Variants in NEU1 observed in about 807,000 individuals in gnomAD.
NEU1 encodes sialidase-1.
Under a neutral mutation model 38.3 loss-of-function variants are expected in NEU1, and 32 were observed. The observed-to-expected ratio is 0.84, with a 90% CI of 0.63 to 1.12. The LOEUF (loss-of-function observed/expected upper bound fraction) is 1.12, where lower values mean the gene tolerates loss of function less well. Ranked by LOEUF, NEU1 falls within the 50% of genes most tolerant of loss-of-function variation. The pLI is 0.00. For missense variants in NEU1, 431 were observed against 549.2 expected (o/e 0.78, Z 2.15); for synonymous variants, 192 against 225.2 (o/e 0.85, Z 1.32).
Position 31,862,340 on chromosome 6 carries a change from T to C in NEU1, c.160-149A>G, listed in dbSNP as rs931226013. On this transcript the variant is annotated intron_variant, in intron 1 of 5. Transcript: ENST00000375631. This position sits in a 1 kb window ranked among gnomAD's most constrained non-coding sequence, Gnocchi z 6.3. ...AGAAAGAGGAACACGAAGGGGAGTT[T>C]GGAGCGAAGCTGGAGGCTCGGAGCA... is the stretch of plus-strand genomic sequence containing the variant. 9.8e-7 allele frequency: 1 copy of C among 1,020,530 alleles called. No individual in the cohort carries two copies. The highest frequency in any genetic ancestry group is 1.6e-5 in the African/African-American group (1 of 62,740). The allele number at this position is 1,020,530 out of a possible 1,614,324, so 63.2% of individuals were successfully genotyped here.
In NEU1 at chr6:31,859,375, C is replaced by T; in HGVS notation, c.*344G>A. On this transcript the variant is annotated 3_prime_UTR_variant, in exon 6 of 6. Transcript: ENST00000375631. The stretch of plus-strand genomic sequence containing the variant: ...CACCAAAGAGGAGGCTCAGCCTTCC[C>T]CAGTTCCCTGAGTTCACATTGATTC... 2.2e-6 allele frequency: 1 copy of T among 462,378 alleles called. No individual in the cohort carries two copies. Among genetic ancestry groups the T allele is most frequent in the Non-Finnish European group, 4.0e-6 (1 of 250,100 alleles). The allele number at this position is 462,378 out of a possible 1,614,324, so 28.6% of individuals were successfully genotyped here. A position where few individuals can be genotyped will look rare whatever the true frequency, so the allele number is the denominator to read the frequency against.
chr6:31,858,294 G>C lies in NEU1; in HGVS notation c.*1425C>G, dbSNP rs1762373390. 6.6e-6 allele frequency: 1 copy of C among 151,944 alleles called. No individual in the cohort carries two copies. Among genetic ancestry groups the C allele is most frequent in the African/African-American group, 2.4e-5 (1 of 41,360 alleles). 9.4% of individuals were successfully genotyped at this position (151,944 alleles called of 1,614,324 possible). On this transcript the variant is annotated 3_prime_UTR_variant, in exon 6 of 6. Transcript: ENST00000375631. ...GAGACCAACCTAGGCAATATAGTGA[G>C]ACTTTGTCTCTACTAAAAATTAAAA... is the stretch of plus-strand genomic sequence containing the variant.
chr6:31,862,127 T>G lies in NEU1; in HGVS notation c.224A>C (p.Asp75Ala). 6.2e-7 allele frequency: 1 copy of G among 1,613,044 alleles called. No homozygotes were observed. Among genetic ancestry groups the G allele is most frequent in the Non-Finnish European group, 8.5e-7 (1 of 1,180,024 alleles). Residue 75 changes from aspartate (D) to alanine (A), a missense_variant, in exon 2 of 6, where the codon GAC (aspartate) becomes GCC (alanine). Transcript: ENST00000375631. This position sits in a 1 kb window ranked among gnomAD's most constrained non-coding sequence, Gnocchi z 6.3. ...TGTGATGAGCGGGATGCGGAAGGTG[T>G]CCACTGAGCCGATCTGTCTCCCGCT... ...WVSGRQIGSVDTFRIPLITAT... is the reference protein window; with the variant it reads ...WVSGRQIGSVATFRIPLITAT...
In NEU1 at chr6:31,859,898, G is replaced by A. The variant is rs772426069; in HGVS notation, c.1069C>T (p.Arg357Trp). 68 of 1,612,920 alleles carry A rather than the reference G, an allele frequency of 4.2e-5. 1 individual carries two copies. In the African/African-American group the frequency reaches 6.0e-4, roughly 14 times the overall value. ...GGCCATAGCTGGACTGTCTCTTTCC[G>A]CCATGAGGTACCATTGCTGAAGCTC... ...RWSFSNGTSW[R>W]KETVQLWPGP... The change falls in exon 6 of 6, where the codon CGG becomes TGG. Residue 357 changes from arginine (R) to tryptophan (W), a missense_variant. Coordinates refer to ENST00000375631, the MANE Select transcript of NEU1 (RefSeq NM_000434.4).
rs1762384598 is a variant in NEU1 at position 31,858,595 on chromosome 6, G to A, written c.*1124C>T. 6.7e-6 allele frequency: 1 copy of A among 148,912 alleles called. No individual in the cohort carries two copies. The highest frequency in any genetic ancestry group is 1.5e-5 in the Non-Finnish European group (1 of 67,496). The allele number at this position is 148,912 out of a possible 1,614,324, so 9.2% of individuals were successfully genotyped here. On this transcript the variant is annotated 3_prime_UTR_variant, in exon 6 of 6. Coordinates refer to ENST00000375631, the MANE Select transcript of NEU1 (RefSeq NM_000434.4). ...ACTGCACTCTAGCCTGGGTGCCAGA[G>A]CAAGACTCCATCTCAAAAAAAAAAA...
In NEU1 at chr6:31,860,015, T is replaced by C; in HGVS notation, c.1021+27A>G. Reference sequence around the variant, plus strand: ...CCTTGTCTAGACACAGGGCTCTCCCTGCTGACCCCACCCATGAGGCACTCA... The same window carrying C: ...CCTTGTCTAGACACAGGGCTCTCCCCGCTGACCCCACCCATGAGGCACTCA... On this transcript the variant is annotated intron_variant, in intron 5 of 5. Transcript: ENST00000375631. The surrounding 1 kb of genome is among the most constrained non-coding windows in gnomAD (Gnocchi z 4.8). 1 of 1,612,834 alleles carries C rather than the reference T, an allele frequency of 6.2e-7. No individual in the cohort carries two copies. Among genetic ancestry groups the C allele is most frequent in the African/African-American group, 1.3e-5 (1 of 75,044 alleles).
chr6:31,861,056 C>T, intron 3 of NEU1, 132 bp downstream of exon 3: 1 of 1,311,252 alleles, frequency 7.6e-7, no homozygotes, highest in Non-Finnish European at 1.1e-6. Context: ...GATGCCCTGT[C>T]TTTCAAGGAA....
Position 31,862,176 on chromosome 6 carries a change from T to C in NEU1, c.175A>G (p.Thr59Ala). Residue 59 changes from threonine to alanine, a missense_variant, in exon 2 of 6, where the codon ACC (threonine) becomes GCC (alanine). Coordinates refer to ENST00000375631, the MANE Select transcript of NEU1 (RefSeq NM_000434.4). The surrounding 1 kb of genome is among the most constrained non-coding windows in gnomAD (Gnocchi z 6.3). ...CTCACCCACAGCAGTTGCTCCATGG[T>C]CACCAGCGGCTGCACCTGTCATGGG... Reference protein sequence around the residue: ...NDFGLVQPLVTMEQLLWVSGR... With the variant: ...NDFGLVQPLVAMEQLLWVSGR... The C allele has an allele frequency of 6.2e-7, 1 of 1,612,832 alleles. No individual in the cohort carries two copies. Among genetic ancestry groups the C allele is most frequent in the Non-Finnish European group, 8.5e-7 (1 of 1,179,966 alleles).
rs750975716 is a variant in NEU1, at chr6:31,859,933, G to A, written c.1034C>T (p.Thr345Ile). 34 of 1,612,902 alleles carry A rather than the reference G, an allele frequency of 2.1e-5. No individual in the cohort carries two copies. Among genetic ancestry groups the A allele is most frequent in the Non-Finnish European group, 2.8e-5 (33 of 1,180,038 alleles). The change falls in exon 6 of 6, where the codon ACC becomes ATC. Residue 345 changes from threonine (T) to isoleucine (I), a missense_variant. Coordinates refer to ENST00000375631, the MANE Select transcript of NEU1 (RefSeq NM_000434.4). ...PAHPEFRVNL[T>I]LRWSFSNGTS... Reference sequence around the variant, plus strand: ...ACCATTGCTGAAGCTCCATCGCAGGGTCAGGTTCACTCCTGGGGAGAGCAG... The same window carrying A: ...ACCATTGCTGAAGCTCCATCGCAGGATCAGGTTCACTCCTGGGGAGAGCAG...
chr6:31,861,832 A>G (rs1476415122), intron 2 of NEU1, 167 bp downstream of exon 2: 6 of 787,588 alleles, frequency 7.6e-6, no homozygotes, highest in Non-Finnish European at 1.1e-5. Context: ...GGTGATCCCA[A>G]TTTCCAGATC....
Position 31,859,703 on chromosome 6 carries a change from G to A in NEU1, c.*16C>T. 2 of 1,611,416 alleles carry A rather than the reference G, an allele frequency of 1.2e-6. No homozygotes were observed. Among genetic ancestry groups the A allele is most frequent in the Non-Finnish European group, 1.7e-6 (2 of 1,179,112 alleles). ...AGAGTCCTGAAGGCAGAATACCCCT[G>A]TGGCAGTGGCACAGCTCAGAGTGTC... On this transcript the variant is annotated 3_prime_UTR_variant, in exon 6 of 6. Coordinates refer to ENST00000375631, the MANE Select transcript of NEU1 (RefSeq NM_000434.4).
rs1332072406 is a variant in NEU1, at chr6:31,859,369, C to G, written c.*350G>C. ...CCGCAACACCAAAGAGGAGGCTCAGCCTTCCCCAGTTCCCTGAGTTCACAT... is the reference window on the plus strand; with the variant it reads ...CCGCAACACCAAAGAGGAGGCTCAGGCTTCCCCAGTTCCCTGAGTTCACAT... On this transcript the variant is annotated 3_prime_UTR_variant, in exon 6 of 6. Coordinates refer to ENST00000375631, the MANE Select transcript of NEU1 (RefSeq NM_000434.4). 1 of 452,526 alleles carries G rather than the reference C, an allele frequency of 2.2e-6. No individual in the cohort carries two copies. Among genetic ancestry groups the G allele is most frequent in the African/African-American group, 2.0e-5 (1 of 50,654 alleles). The allele number at this position is 452,526 out of a possible 1,614,324, so 28.0% of individuals were successfully genotyped here. A position where few individuals can be genotyped will look rare whatever the true frequency, so the allele number is the denominator to read the frequency against.
Position 31,860,741 on chromosome 6 carries a change from C to T in NEU1, c.616-120G>A. On this transcript the variant is annotated intron_variant, in intron 3 of 5. Coordinates refer to ENST00000375631, the MANE Select transcript of NEU1 (RefSeq NM_000434.4). This position sits in a 1 kb window ranked among gnomAD's most constrained non-coding sequence, Gnocchi z 4.8. ...ATGGTCCCCTTGAGTTCAGCCCTTG[C>T]TCACTGAGGGTTCCAGTCAGATCCC... 1 of 1,108,916 alleles carries T rather than the reference C, an allele frequency of 9.0e-7. No individual in the cohort carries two copies. Among genetic ancestry groups the T allele is most frequent in the Non-Finnish European group, 1.4e-6 (1 of 737,502 alleles). The allele number at this position is 1,108,916 out of a possible 1,614,324, so 68.7% of individuals were successfully genotyped here. A position where few individuals can be genotyped will look rare whatever the true frequency, so the allele number is the denominator to read the frequency against.
chr6:31,860,593 A>C lies in NEU1; in HGVS notation c.644T>G (p.Leu215Arg). The part of the protein sequence containing the change: ...QKQREPRKGR[L>R]IVCGHGTLER... ...CAGCGTCCCATGGCCACACACGATG[A>C]GGCGGCCCTTCCGTGGCTCCCGCTG... The change falls in exon 4 of 6, where the codon CTC becomes CGC. Residue 215 changes from leucine to arginine, a missense_variant. Leu to Arg is a moderately radical substitution (Grantham distance 102, BLOSUM62 -2). Coordinates refer to ENST00000375631, the MANE Select transcript of NEU1 (RefSeq NM_000434.4). The surrounding 1 kb of genome is among the most constrained non-coding windows in gnomAD (Gnocchi z 4.8). The C allele has an allele frequency of 6.2e-7, 1 of 1,613,984 alleles. No homozygotes were observed. The highest frequency in any genetic ancestry group is 8.5e-7 in the Non-Finnish European group (1 of 1,180,026).
Position 31,862,094 on chromosome 6 carries a change from G to C in NEU1, c.257C>G (p.Pro86Arg). 6.2e-7 allele frequency: 1 copy of C among 1,613,108 alleles called. No individual in the cohort carries two copies. Among genetic ancestry groups the C allele is most frequent in the Non-Finnish European group, 8.5e-7 (1 of 1,180,040 alleles). Residue 86 changes from proline (P) to arginine (R), a missense_variant, in exon 2 of 6, where the codon CCG (proline) becomes CGG (arginine). By Grantham distance (103) the Pro-to-Arg change is moderately radical. Coordinates refer to ENST00000375631, the MANE Select transcript of NEU1 (RefSeq NM_000434.4). This position sits in a 1 kb window ranked among gnomAD's most constrained non-coding sequence, Gnocchi z 6.3. Reference protein sequence around the residue: ...TFRIPLITATPRGTLLAFAEA... With the variant: ...TFRIPLITATRRGTLLAFAEA... ...AGCAAAGGCGAGAAGAGTGCCCCGC[G>C]GAGTGGCTGTGATGAGCGGGATGCG...
chr6:31,861,496 T>G, intron 2 of NEU1, 46 bp from the exon 3 acceptor site: 1 of 1,611,616 alleles, frequency 6.2e-7, no homozygotes, highest in Non-Finnish European at 8.5e-7. Flanking sequence ...ACTCTGCAGG[T>G]ACCCTTTCTA....
rs1358551572 is a variant in NEU1 at position 31,859,373 on chromosome 6, C to T, written c.*346G>A. On this transcript the variant is annotated 3_prime_UTR_variant, in exon 6 of 6. Coordinates refer to ENST00000375631, the MANE Select transcript of NEU1 (RefSeq NM_000434.4). ...AACACCAAAGAGGAGGCTCAGCCTT[C>T]CCCAGTTCCCTGAGTTCACATTGAT... The T allele has an allele frequency of 6.5e-6, 3 of 459,134 alleles. No homozygotes were observed. Among genetic ancestry groups the T allele is most frequent in the Non-Finnish European group, 1.2e-5 (3 of 248,232 alleles). The allele number at this position is 459,134 out of a possible 1,614,324, so 28.4% of individuals were successfully genotyped here. A position where few individuals can be genotyped will look rare whatever the true frequency, so the allele number is the denominator to read the frequency against.
Position 31,859,425 on chromosome 6 carries a change from C to T in NEU1, c.*294G>A, listed in dbSNP as rs908745663. On this transcript the variant is annotated 3_prime_UTR_variant, in exon 6 of 6. Transcript: ENST00000375631. The stretch of plus-strand genomic sequence containing the variant: ...CAATTCTACAGCTCACTAGACCTGC[C>T]CAAGACAGGACCAATCAATGTCCCG... 1.2e-4 allele frequency: 65 copies of T among 553,348 alleles called. No individual in the cohort carries two copies. The highest frequency in any genetic ancestry group is 1.9e-4 in the Non-Finnish European group (59 of 306,774). The allele number at this position is 553,348 out of a possible 1,614,324, so 34.3% of individuals were successfully genotyped here. A position where few individuals can be genotyped will look rare whatever the true frequency, so the allele number is the denominator to read the frequency against.
chr6:31,859,721 A>G lies in NEU1; in HGVS notation c.1246T>C (p.Ter416ArgextTer29). ...TACCCCTGTGGCAGTGGCACAGCTC[A>G]GAGTGTCCCATAGACACTGATTTTG... ...VAKISVYGTL[*>R] Residue 416 changes from the stop codon to arginine, a stop_lost, in exon 6 of 6, where the codon TGA becomes CGA. Coordinates refer to ENST00000375631, the MANE Select transcript of NEU1 (RefSeq NM_000434.4). 1.2e-6 allele frequency: 2 copies of G among 1,612,142 alleles called. No homozygotes were observed. Among genetic ancestry groups the G allele is most frequent in the Non-Finnish European group, 1.7e-6 (2 of 1,179,354 alleles).
Sources: gnomAD v4.1 joint callset for allele counts on GRCh38, gnomAD v4.1.1 for gene constraint, Gnocchi (gnomAD v3.1) non-coding constraint, MANE v1.5 for transcripts, NCBI Gene and HGNC (gene_info 2026-07-23, HGNC 2026-07-21) for gene names.